The following NLRP11 variants were observed in gnomAD, a reference collection of about 807,000 sequenced individuals.
NLRP11 encodes NLR family pyrin domain containing 11.
A neutral mutation model predicts 79.3 loss-of-function variants in NLRP11; 53 were observed. That is an observed-to-expected ratio of 0.67 (90% confidence interval 0.54 to 0.84). NLRP11 has a LOEUF of 0.84. Ranked by LOEUF, NLRP11 falls within the 40% of genes least tolerant of loss-of-function variation. The pLI is 0.00. For synonymous variants in NLRP11, 518 were observed against 462.6 expected (o/e 1.12, Z -1.54); for missense variants, 1,264 against 1,255.0 (o/e 1.01, Z -0.11).
chr19:55,815,929 T>C (rs10413105), intron 2 of NLRP11, among the ~76,000 whole-genome samples: 33,939 of 148,546 alleles, frequency 0.23, 5,795 homozygotes, highest in African/African-American at 0.5. Flanking sequence ...CCATCAATAG[T>C]CGAGGTTATG....
At chr19:55,836,475 G>A (rs1347039608), upstream of NLRP11, 1 of 152,216 alleles carries the variant, frequency 6.6e-6, no homozygotes, top group East Asian at 1.9e-4. Context: ...TGGCAAGGGA[G>A]CAATTCGTTG....
chr19:55,798,860 C>A (rs535664486), intron 5 of NLRP11, among the ~76,000 whole-genome samples: 8 of 152,176 alleles, frequency 5.3e-5, no homozygotes, highest in African/African-American at 1.9e-4. Context: ...TAGGAAGATG[C>A]TGAAGTACTG....
exon 2 of NLRP11, chr19:55,817,980 T>A (rs777880394): frequency 1.9e-6 from 3 of 1,612,062 alleles, no homozygotes; most frequent in Non-Finnish European, 2.5e-6. Flanking sequence ...GCATATTCCA[T>A]ATATACTGTC....
chr19:55,807,896 A>G, exon 4 of NLRP11: 2 of 1,613,186 alleles, frequency 1.2e-6, no homozygotes, highest in Non-Finnish European at 1.7e-6. Context: ...AGGGCTTTAG[A>G]CAGAATCCTT....
intron 5 of NLRP11, chr19:55,801,089 G>C (rs1023679537): frequency 6.6e-6 from 1 of 151,534 alleles, no homozygotes; most frequent in Non-Finnish European, 1.5e-5. Flanking sequence ...TGAGGCAAAA[G>C]AATCACTTGA....
At chr19:55,811,712 C>G (rs1480887437) in intron 2 of NLRP11, among the ~76,000 whole-genome samples, 1 of 151,978 alleles carries the variant, frequency 6.6e-6, no homozygotes, top group Non-Finnish European at 1.5e-5. Flanking sequence ...AAGCAGAAAG[C>G]CATGGTGATG....
chr19:55,810,453 TACTA>T, intron 2 of NLRP11, 115 bp from the exon 3 acceptor site: 1 of 835,308 alleles, frequency 1.2e-6, no homozygotes, highest in Non-Finnish European at 1.9e-6. Context: ...AATTTTTACT[TACTA>T]CTGCTTATCA....
rs201476127 is a variant in NLRP11 at position 55,830,598 on chromosome 19, T to TAAAAAAAAAAAAA, written c.-63+1352_-63+1364dup. On this transcript the variant is annotated intron_variant, in intron 1 of 9. Transcript: ENST00000589093. Reference sequence around the variant, plus strand: ...GCCTAGTGATGGCTTCTTAGCTTCCTAAAAAAAAAAAAAAAAATGCAACGT... The same window carrying TAAAAAAAAAAAAA: ...GCCTAGTGATGGCTTCTTAGCTTCCTAAAAAAAAAAAAAAAAAAAAAAAAAAAAAATGCAACGT... 5.2e-3 allele frequency among the ~76,000 whole-genome samples: 674 copies of TAAAAAAAAAAAAA among 129,032 alleles called. 6 individuals are homozygous for TAAAAAAAAAAAAA. The highest frequency in any genetic ancestry group is 0.051 in the East Asian group (213 of 4,142). The allele number at this position is 129,032 out of a possible 152,430, so 84.7% of individuals were successfully genotyped here.
At chr19:55,812,013 A>T (rs992556343) in intron 2 of NLRP11, among the ~76,000 whole-genome samples, 2 of 151,098 alleles carry the variant, frequency 1.3e-5, no homozygotes, top group Admixed American at 6.6e-5. Context: ...GAGAATAAAT[A>T]TGTGAGATAA....
chr19:55,818,163 C>T (rs1981333011), exon 2 of NLRP11: 9 of 1,611,624 alleles, frequency 5.6e-6, no homozygotes, highest in South Asian at 1.1e-5. Context: ...CAGTAGAATC[C>T]GATTCTGCCA....
rs561555803 is a variant in NLRP11 at position 55,810,236 on chromosome 19, G to A, written c.374C>T (p.Ser125Leu). The A allele has an allele frequency of 1.7e-5, 27 of 1,613,966 alleles. No individual in the cohort carries two copies. Among genetic ancestry groups the A allele is most frequent in the African/African-American group, 1.6e-4 (12 of 75,028 alleles). ...TTGAAGTATGTAGAACACATCTGAC[G>A]AAACGTCACGAAAAAATTTATAATG... The change falls in exon 3 of 10, where the codon TCG becomes TTG. Residue 125 changes from serine to leucine, a missense_variant. Ser to Leu is a moderately radical substitution (Grantham distance 145). Coordinates refer to ENST00000589093, the Ensembl canonical transcript of NLRP11.
intron 5 of NLRP11, 133 bp from the exon 6 acceptor site, chr19:55,796,383 C>T: frequency 1.3e-6 from 1 of 746,634 alleles, no homozygotes; most frequent in Non-Finnish European, 2.1e-6. Flanking sequence ...GATCCCTTTG[C>T]TTCTAACCTT....
intron 7 of NLRP11, among the ~76,000 whole-genome samples, chr19:55,791,501 A>G (rs1185011071): frequency 6.6e-6 from 1 of 152,244 alleles, no homozygotes; most frequent in East Asian, 1.9e-4. Context: ...TATACAGTCC[A>G]GTAAGCACTT....
rs534902054 is a variant in NLRP11, at chr19:55,795,646, C to T, written c.2342+434G>A. Reference sequence around the variant, plus strand: ...CTGGGACTACAGGTACCCGCCACCACGCCCGGCTAATTTTTGTATTTTTAG... The same window carrying T: ...CTGGGACTACAGGTACCCGCCACCATGCCCGGCTAATTTTTGTATTTTTAG... On this transcript the variant is annotated intron_variant, in intron 6 of 9. Coordinates refer to ENST00000589093, the Ensembl canonical transcript of NLRP11. 7.2e-5 allele frequency among the ~76,000 whole-genome samples: 11 copies of T among 152,216 alleles called. 1 individual carries two copies. The highest frequency in any genetic ancestry group is 1.3e-4 in the Non-Finnish European group (9 of 68,014).
chr19:55,816,467 G>C (rs1466885136), intron 2 of NLRP11, among the ~76,000 whole-genome samples: 2 of 152,068 alleles, frequency 1.3e-5, no homozygotes, highest in African/African-American at 4.8e-5. Flanking sequence ...TCATGATCTT[G>C]GTAAGTTCTC....
At chr19:55,807,819 G>A (rs779587003) in intron 4 of NLRP11, 34 bp downstream of exon 4, 1 of 1,442,966 alleles carries the variant, frequency 6.9e-7, no homozygotes, top group Non-Finnish European at 9.5e-7. Context: ...ATTCCTAGGG[G>A]AACCTCTAAG....
intron 6 of NLRP11, among the ~76,000 whole-genome samples, chr19:55,793,325 T>C (rs1256516668): frequency 6.6e-6 from 1 of 151,854 alleles, no homozygotes; most frequent in Non-Finnish European, 1.5e-5. Flanking sequence ...TCCTGGCACC[T>C]TGGGAGGGGG....
At chr19:55,810,381 A>C in intron 2 of NLRP11, 43 bp from the exon 3 acceptor site, 1 of 1,531,500 alleles carries the variant, frequency 6.5e-7, no homozygotes, top group Non-Finnish European at 8.8e-7. Flanking sequence ...AACAAAGATG[A>C]AAGTTCAAGA....
chr19:55,792,773 A>G (rs1360159344), intron 6 of NLRP11, among the ~76,000 whole-genome samples: 1 of 152,238 alleles, frequency 6.6e-6, no homozygotes, highest in Non-Finnish European at 1.5e-5. Context: ...TTGATAAAGT[A>G]TATTTGGCTA....
Sources: gnomAD v4.1 joint callset for allele counts (sites outside exome capture counted in the v4.1 genomes callset) on GRCh38, gnomAD v4.1.1 for gene constraint, MANE v1.5 for transcripts, NCBI Gene and HGNC (gene_info 2026-07-23, HGNC 2026-07-21) for gene names.